Variants in FAM111A observed in about 807,000 individuals in gnomAD.
FAM111A encodes FAM111 trypsin like peptidase A.
FAM111A carries 8 observed loss-of-function variants against 3.3 expected under a neutral mutation model. That is an observed-to-expected ratio of 2.39 (90% CI 1.40 to 4.32). FAM111A has a LOEUF of 4.32. FAM111A is among the 30% of genes most tolerant of loss of function. The probability of loss-of-function intolerance (pLI) is 0.00; values close to 1 mark genes in which losing one functional copy is unlikely to be tolerated. For missense variants in FAM111A, 683 were observed against 727.6 expected (o/e 0.94, Z 0.71); for synonymous variants, 227 against 243.1 (o/e 0.93, Z 0.62).
intron 5 of FAM111A, among the ~76,000 whole-genome samples, chr11:59,151,229 C>T (rs1050594408): frequency 6.6e-6 from 1 of 152,112 alleles, no homozygotes; most frequent in African/African-American, 2.4e-5. Flanking sequence ...CCGCTCACTG[C>T]AACCTCCACC....
rs899050591 is a variant in FAM111A at position 59,154,585 on chromosome 11, C to T, written c.*1081C>T. ...AATTCCACTGGACCCAATCTGTTTTCCATTTCCATTGCAATACTACTAAAG... is the reference window on the plus strand; with the variant it reads ...AATTCCACTGGACCCAATCTGTTTTTCATTTCCATTGCAATACTACTAAAG... On this transcript the variant is annotated 3_prime_UTR_variant, in exon 6 of 6. Coordinates refer to ENST00000675163, the MANE Select transcript of FAM111A (RefSeq NM_001312909.2). 3.3e-5 allele frequency: 5 copies of T among 152,232 alleles called. No individual in the cohort carries two copies. Among genetic ancestry groups the T allele is most frequent in the Non-Finnish European group, 7.3e-5 (5 of 68,046 alleles). The allele number at this position is 152,232 out of a possible 1,614,324, so 9.4% of individuals were successfully genotyped here. A position where few individuals can be genotyped will look rare whatever the true frequency, so the allele number is the denominator to read the frequency against.
Position 59,152,326 on chromosome 11 carries a change from A to C in FAM111A, c.658A>C (p.Thr220Pro). The C allele has an allele frequency of 6.2e-7, 1 of 1,614,148 alleles. No homozygotes were observed. The highest frequency in any genetic ancestry group is 8.5e-7 in the Non-Finnish European group (1 of 1,180,018). The change falls in exon 6 of 6, where the codon ACC becomes CCC. Residue 220 changes from threonine (T) to proline (P), a missense_variant. This residue lies in a region of FAM111A where 557 missense variants were observed against 600.2 expected (regional missense o/e 0.93). Coordinates refer to ENST00000675163, the MANE Select transcript of FAM111A (RefSeq NM_001312909.2). ...KLCVYAFKGE[T>P]IKDALCKDGR... ...CTGTGTTTATGCTTTCAAAGGAGAA[A>C]CCATCAAGGATGCACTGTGCAAGGA...
At chr11:59,146,191 T>G (rs1255653183) in intron 4 of FAM111A, among the ~76,000 whole-genome samples, 1 of 151,968 alleles carries the variant, frequency 6.6e-6, no homozygotes, top group Non-Finnish European at 1.5e-5. Context: ...TACAAGCCAC[T>G]CTCCTGCCTC....
Position 59,145,862 on chromosome 11 carries a change from T to C in FAM111A, c.-77+6T>C, listed in dbSNP as rs1218172942. 6.6e-6 allele frequency: 1 copy of C among 152,104 alleles called. No individual in the cohort carries two copies. The highest frequency in any genetic ancestry group is 6.5e-5 in the Admixed American group (1 of 15,270). 9.4% of individuals were successfully genotyped at this position (152,104 alleles called of 1,614,324 possible). ...GTTTAAAAAGTATCCCTGTGGTGAG[T>C]GTATTGATATTGATAACATTTACAT... is the stretch of plus-strand genomic sequence containing the variant. On this transcript the variant is annotated splice_donor_region_variant and intron_variant, in intron 4 of 5. Transcript: ENST00000675163.
intron 2 of FAM111A, 51 bp downstream of exon 2, chr11:59,143,355 T>C (rs1437282944): frequency 3.9e-5 from 6 of 152,238 alleles, no homozygotes; most frequent in Admixed American, 6.5e-5. Flanking sequence ...CCAGGATTCA[T>C]TGGCCGCAGC....
rs1861748106 is a variant in FAM111A at position 59,152,080 on chromosome 11, A to C, written c.412A>C (p.Ile138Leu). The part of the protein sequence containing the change: ...VRGTEGIKEY[I>L]NLGMPLSCFP... ...TGGCACAGAAGGAATCAAAGAGTACATAAACCTTGGAATGCCCCTCAGTTG... is the reference window on the plus strand; with the variant it reads ...TGGCACAGAAGGAATCAAAGAGTACCTAAACCTTGGAATGCCCCTCAGTTG... Residue 138 changes from isoleucine to leucine, a missense_variant, in exon 6 of 6, where the codon ATA becomes CTA. Coordinates refer to ENST00000675163, the MANE Select transcript of FAM111A (RefSeq NM_001312909.2). 1 of 1,614,098 alleles carries C rather than the reference A, an allele frequency of 6.2e-7. No individual in the cohort carries two copies. Among genetic ancestry groups the C allele is most frequent in the Admixed American group, 1.7e-5 (1 of 60,004 alleles).
At position 59,152,116 on chromosome 11, in the gene FAM111A, G is replaced by T; in HGVS notation, c.448G>T (p.Gly150Cys). The change falls in exon 6 of 6, where the codon GGT (glycine) becomes TGT (cysteine). Residue 150 changes from glycine (G) to cysteine (C), a missense_variant. Physicochemically the swap from Gly to Cys is radical, Grantham distance 159. Coordinates refer to ENST00000675163, the MANE Select transcript of FAM111A (RefSeq NM_001312909.2). ...AATGCCCCTCAGTTGTTTCCCTGAA[G>T]GTGGCCAGGTGGTCATTACATTTTC... is the stretch of plus-strand genomic sequence containing the variant. Reference protein sequence around the residue: ...LGMPLSCFPEGGQVVITFSQS... With the variant: ...LGMPLSCFPECGQVVITFSQS... 1.9e-6 allele frequency: 3 copies of T among 1,614,136 alleles called. No individual in the cohort carries two copies. Among genetic ancestry groups the T allele is most frequent in the Non-Finnish European group, 2.5e-6 (3 of 1,180,028 alleles).
rs925596108 is a variant in FAM111A at position 59,154,374 on chromosome 11, T to C, written c.*870T>C. The C allele has an allele frequency of 2.6e-5, 4 of 152,226 alleles. No individual in the cohort carries two copies. Among genetic ancestry groups the C allele is most frequent in the African/African-American group, 7.2e-5 (3 of 41,468 alleles). The allele number at this position is 152,226 out of a possible 1,614,324, so 9.4% of individuals were successfully genotyped here. On this transcript the variant is annotated 3_prime_UTR_variant, in exon 6 of 6. Coordinates refer to ENST00000675163, the MANE Select transcript of FAM111A (RefSeq NM_001312909.2). ...TATATGGGTCTTGAAATTCAGAAGA[T>C]GATAGTCACTCTTCCCATATTTATA...
In FAM111A at chr11:59,153,703, A is replaced by ATTTTTTT. The variant is rs878948228; in HGVS notation, c.*209_*215dup. ...ATGAGATGGACTATAACTTGCCCAA[A>ATTTTTTT]TTTTTTTTTTTTTTTTGAGACTGAG... On this transcript the variant is annotated 3_prime_UTR_variant, in exon 6 of 6. Transcript: ENST00000675163. 276 of 323,352 alleles carry ATTTTTTT rather than the reference A, an allele frequency of 8.5e-4. 2 individuals carry two copies. Among genetic ancestry groups the ATTTTTTT allele is most frequent in the East Asian group, 6.2e-3 (98 of 15,812 alleles). 20.0% of individuals were successfully genotyped at this position (323,352 alleles called of 1,614,324 possible).
Position 59,152,020 on chromosome 11 carries a change from A to G in FAM111A, c.352A>G (p.Ile118Val), listed in dbSNP as rs776659851. 2 of 1,614,034 alleles carry G rather than the reference A, an allele frequency of 1.2e-6. No individual in the cohort carries two copies. The highest frequency in any genetic ancestry group is 1.7e-5 in the Admixed American group (1 of 59,988). ...CACTCTCCAGGCTGTCAGAAAAGAGATAGAAACTCACCAAGGCCAAGAAAT... is the reference window on the plus strand; with the variant it reads ...CACTCTCCAGGCTGTCAGAAAAGAGGTAGAAACTCACCAAGGCCAAGAAAT... ...LNTLQAVRKE[I>V]ETHQGQEMLV... The change falls in exon 6 of 6, where the codon ATA (isoleucine) becomes GTA (valine). Residue 118 changes from isoleucine (I) to valine (V), a missense_variant. By Grantham distance (29) the Ile-to-Val change is conservative (BLOSUM62 3). This residue lies in a region of FAM111A where 557 missense variants were observed against 600.2 expected (regional missense o/e 0.93). Coordinates refer to ENST00000675163, the MANE Select transcript of FAM111A (RefSeq NM_001312909.2).
chr11:59,145,614 T>C (rs1250011780), intron 3 of FAM111A: 1 of 152,268 alleles, frequency 6.6e-6, no homozygotes, highest in East Asian at 1.9e-4. Context: ...TTAATGTTTC[T>C]TTCTGCCCAT....
rs1861799069 is a variant in FAM111A, at chr11:59,152,391, A to C, written c.723A>C (p.Lys241Asn). The C allele has an allele frequency of 1.9e-6, 3 of 1,613,932 alleles. No homozygotes were observed. In the South Asian group the frequency reaches 3.3e-5, roughly 18 times the overall value. Residue 241 changes from lysine to asparagine, a missense_variant, in exon 6 of 6, where the codon AAA becomes AAC. Coordinates refer to ENST00000675163, the MANE Select transcript of FAM111A (RefSeq NM_001312909.2). ...FLSFLENDDW[K>N]LIENNDTILE... ...CCTTTCTGGAGAATGATGATTGGAAACTCATTGAAAACAATGACACCATTT... is the reference window on the plus strand; with the variant it reads ...CCTTTCTGGAGAATGATGATTGGAACCTCATTGAAAACAATGACACCATTT...
rs1289665020 is a variant in FAM111A, at chr11:59,145,850, C to A, written c.-83C>A. 6.6e-6 allele frequency: 1 copy of A among 151,962 alleles called. No individual in the cohort carries two copies. Among genetic ancestry groups the A allele is most frequent in the Non-Finnish European group, 1.5e-5 (1 of 68,006 alleles). 9.4% of individuals were successfully genotyped at this position (151,962 alleles called of 1,614,324 possible). ...AGGTTCTCTGCTGTTTAAAAAGTAT[C>A]CCTGTGGTGAGTGTATTGATATTGA... On this transcript the variant is annotated 5_prime_UTR_variant, in exon 4 of 6. Transcript: ENST00000675163.
chr11:59,148,703 G>C, intron 4 of FAM111A, 94 bp from the exon 5 acceptor site: 1 of 567,686 alleles, frequency 1.8e-6, no homozygotes. Flanking sequence ...TATTTGCTAA[G>C]GTACCATCTC....
rs1390207175 is a variant in FAM111A, at chr11:59,154,532, A to G, written c.*1028A>G. On this transcript the variant is annotated 3_prime_UTR_variant, in exon 6 of 6. Transcript: ENST00000675163. ...TTATGAAGACTATATAGATGATTCAACCAAGCCTGCAAATCTCCCTCTTGT... is the reference window on the plus strand; with the variant it reads ...TTATGAAGACTATATAGATGATTCAGCCAAGCCTGCAAATCTCCCTCTTGT... 6.6e-6 allele frequency: 1 copy of G among 152,216 alleles called. No homozygotes were observed. The highest frequency in any genetic ancestry group is 1.9e-4 in the East Asian group (1 of 5,196). The allele number at this position is 152,216 out of a possible 1,614,324, so 9.4% of individuals were successfully genotyped here. A position where few individuals can be genotyped will look rare whatever the true frequency, so the allele number is the denominator to read the frequency against.
Position 59,151,903 on chromosome 11 carries a change from T to A in FAM111A, c.235T>A (p.Tyr79Asn), listed in dbSNP as rs749677037. Reference protein sequence around the residue: ...DQTMPQNRTIYVTLKVNHRRN... With the variant: ...DQTMPQNRTINVTLKVNHRRN... The stretch of plus-strand genomic sequence containing the variant: ...GACCATGCCCCAAAATAGGACAATA[T>A]ATGTTACCTTGAAGGTAAACCACAG... The change falls in exon 6 of 6, where the codon TAT (tyrosine) becomes AAT (asparagine). Residue 79 changes from tyrosine (Y) to asparagine (N), a missense_variant. By Grantham distance (143) the Tyr-to-Asn change is moderately radical. This residue lies in a region of FAM111A where 557 missense variants were observed against 600.2 expected (regional missense o/e 0.93). Coordinates refer to ENST00000675163, the MANE Select transcript of FAM111A (RefSeq NM_001312909.2). The A allele has an allele frequency of 6.2e-7, 1 of 1,614,074 alleles. No individual in the cohort carries two copies. The highest frequency in any genetic ancestry group is 8.5e-7 in the Non-Finnish European group (1 of 1,180,014).
In FAM111A at chr11:59,154,420, T is replaced by C. The variant is rs577473876; in HGVS notation, c.*916T>C. On this transcript the variant is annotated 3_prime_UTR_variant, in exon 6 of 6. Transcript: ENST00000675163. ...TTATAGGCTATTAAGGCAAGGGATA[T>C]CTTAAACATCATATTACTTTATTTA... The C allele has an allele frequency of 2.0e-5, 3 of 152,342 alleles. No homozygotes were observed. The highest frequency in any genetic ancestry group is 7.2e-5 in the African/African-American group (3 of 41,574). 9.4% of individuals were successfully genotyped at this position (152,342 alleles called of 1,614,324 possible).
intron 3 of FAM111A, chr11:59,143,896 A>G (rs1043042704): frequency 2.0e-5 from 3 of 152,242 alleles, no homozygotes; most frequent in Non-Finnish European, 4.4e-5. Flanking sequence ...TTCAATGGAA[A>G]ACATCAAAGA....
Position 59,152,030 on chromosome 11 carries a change from A to G in FAM111A, c.362A>G (p.His121Arg). ...LQAVRKEIETHQGQEMLVRGT... is the reference protein window; with the variant it reads ...LQAVRKEIETRQGQEMLVRGT... The stretch of plus-strand genomic sequence containing the variant: ...GCTGTCAGAAAAGAGATAGAAACTC[A>G]CCAAGGCCAAGAAATGCTTGTGCGT... Residue 121 changes from histidine to arginine, a missense_variant, in exon 6 of 6, where the codon CAC becomes CGC. His to Arg is a conservative substitution (Grantham distance 29). Around this residue, in one of 3 missense-constraint regions of FAM111A, gnomAD observed 557 missense variants for 600.2 expected, o/e 0.93. Coordinates refer to ENST00000675163, the MANE Select transcript of FAM111A (RefSeq NM_001312909.2). 6.2e-7 allele frequency: 1 copy of G among 1,614,244 alleles called. No homozygotes were observed. The highest frequency in any genetic ancestry group is 8.5e-7 in the Non-Finnish European group (1 of 1,180,046).
Sources: allele counts gnomAD v4.1 joint callset (sites outside exome capture counted in the v4.1 genomes callset), GRCh38; gene constraint gnomAD v4.1.1; regional missense constraint gnomAD v4.1.1; transcripts MANE v1.5; gene names NCBI Gene and HGNC (gene_info 2026-07-23, HGNC 2026-07-21).